Variants in DNM2 observed in about 807,000 individuals in gnomAD.
DNM2 encodes dynamin 2.
In DNM2, 15 loss-of-function variants were observed where a neutral mutation model predicts 99.0. The observed-to-expected ratio is 0.15, with a 90% confidence interval of 0.10 to 0.23. The LOEUF (loss-of-function observed/expected upper bound fraction) is 0.23, where lower values mean the gene tolerates loss of function less well. Ranked by LOEUF, DNM2 falls within the 10% of genes least tolerant of loss-of-function variation. The probability of loss-of-function intolerance (pLI) is 1.00; values close to 1 mark genes in which losing one functional copy is unlikely to be tolerated. For missense variants in DNM2, 742 were observed against 1,189.4 expected, an observed-to-expected ratio of 0.62 and a Z score of 5.53; for synonymous variants, 525 against 481.2, an observed-to-expected ratio of 1.09 and a Z score of -1.19.
chr19:10,729,070 C>A (rs978790239), intron 1 of DNM2, among the ~76,000 whole-genome samples: 8 of 113,242 alleles, frequency 7.1e-5, no homozygotes, highest in African/African-American at 2.1e-4. Flanking sequence ...AAAATATAGG[C>A]AGGAGAATGG....
At chr19:10,821,562 G>A (rs573633328) in intron 16 of DNM2, among the ~76,000 whole-genome samples, 6 of 151,932 alleles carry the variant, frequency 3.9e-5, no homozygotes, top group South Asian at 2.1e-4. Flanking sequence ...ACGGAGTTCC[G>A]CTGTTGTTGC....
chr19:10,819,078 TCTG>T (rs1276499061), intron 15 of DNM2, among the ~76,000 whole-genome samples: 3 of 152,030 alleles, frequency 2.0e-5, no homozygotes. Flanking sequence ...TCCCTAGCAG[TCTG>T]GACAGCCGTG....
At chr19:10,759,493 G>C (rs1429783382) in intron 1 of DNM2, 1 of 580,540 alleles carries the variant, frequency 1.7e-6, no homozygotes, top group African/African-American at 1.9e-5. Flanking sequence ...GAGTACGGGG[G>C]GTGGGGCACA....
rs1185925207 is a variant in DNM2 at position 10,764,262 on chromosome 19, C to T, written c.235+4451C>T. The stretch of plus-strand genomic sequence containing the variant: ...ATCTGTAAAATGGGGGTGATGGTGG[C>T]GCTGCCATCGTGGCCATGGCACCCC... On this transcript the variant is annotated intron_variant, in intron 2 of 20. Transcript: ENST00000389253. This position sits in a 1 kb window ranked among gnomAD's most constrained non-coding sequence, Gnocchi z 4.1. Among the ~76,000 whole-genome samples the T allele has an allele frequency of 2.0e-5, 3 of 152,142 alleles. No homozygotes were observed. The highest frequency in any genetic ancestry group is 7.2e-5 in the African/African-American group (3 of 41,434).
rs1013841748 is a variant in DNM2, at chr19:10,796,261, A to G, written c.1196+822A>G. On this transcript the variant is annotated intron_variant, in intron 9 of 20. Coordinates refer to ENST00000389253, the MANE Select transcript of DNM2 (RefSeq NM_001005361.3). The surrounding 1 kb of genome is among the most constrained non-coding windows in gnomAD (Gnocchi z 5.6). ...GGAAACGGGGGTACGGGGGTTTGGT[A>G]TCAGGCTCCCAGCGCCTCATTGGCC... The G allele has an allele frequency of 5.6e-6, 9 of 1,611,442 alleles. No individual in the cohort carries two copies. Among genetic ancestry groups the G allele is most frequent in the African/African-American group, 1.3e-5 (1 of 74,950 alleles).
At chr19:10,783,570 A>T (rs1369291640) in intron 6 of DNM2, among the ~76,000 whole-genome samples, 8 of 152,118 alleles carry the variant, frequency 5.3e-5, no homozygotes, top group African/African-American at 1.9e-4. Flanking sequence ...CATCACTGTT[A>T]TTATTACCAA....
intron 9 of DNM2, among the ~76,000 whole-genome samples, chr19:10,797,116 C>T (rs912002705): frequency 2.6e-5 from 4 of 152,030 alleles, no homozygotes; most frequent in South Asian, 2.1e-4. Flanking sequence ...TAGAGGACTC[C>T]GCACACCTTG....
intron 7 of DNM2, among the ~76,000 whole-genome samples, chr19:10,789,234 C>G (rs958979688): frequency 1.3e-4 from 20 of 152,076 alleles, no homozygotes; most frequent in African/African-American, 4.8e-4. Flanking sequence ...ACAAACAAAA[C>G]ACAAGATTCA....
rs868858325 is a variant in DNM2, at chr19:10,816,378, G to A, written c.1672-3602G>A. On this transcript the variant is annotated intron_variant, in intron 15 of 20. Transcript: ENST00000389253. This position sits in a 1 kb window ranked among gnomAD's most constrained non-coding sequence, Gnocchi z 4.6. The stretch of plus-strand genomic sequence containing the variant: ...CGCTGTTTCTAAACCCAGGGTGGTG[G>A]AGTCTGCTGAGCCACCATACAAGCA... Among the ~76,000 whole-genome samples, 5 of 152,252 alleles carry A rather than the reference G, an allele frequency of 3.3e-5. No individual in the cohort carries two copies. In the South Asian group the frequency reaches 1.0e-3, roughly 32 times the overall value.
intron 1 of DNM2, among the ~76,000 whole-genome samples, chr19:10,729,986 C>T (rs2145704180): frequency 6.6e-6 from 1 of 152,230 alleles, no homozygotes; most frequent in South Asian, 2.1e-4. Context: ...CCTCAGCCTC[C>T]TGAGTACCTG....
chr19:10,732,755 A>G (rs956466200), intron 1 of DNM2, among the ~76,000 whole-genome samples: 1 of 151,930 alleles, frequency 6.6e-6, no homozygotes, highest in African/African-American at 2.4e-5. Flanking sequence ...GACTCATCCA[A>G]CCAGTGAGCC....
chr19:10,733,770 G>A (rs1457452117), intron 1 of DNM2, among the ~76,000 whole-genome samples: 1 of 152,018 alleles, frequency 6.6e-6, no homozygotes, highest in Non-Finnish European at 1.5e-5. Flanking sequence ...ACTTTGGGAG[G>A]CAGAGGCAGG....
intron 14 of DNM2, chr19:10,810,059 G>A (rs2072487947): frequency 6.6e-6 from 1 of 152,318 alleles, no homozygotes; most frequent in African/African-American, 2.4e-5. Context: ...TCATGAGCGT[G>A]GCCGTGGCCT....
At chr19:10,790,248 C>T (rs890582225) in intron 7 of DNM2, among the ~76,000 whole-genome samples, 2 of 152,224 alleles carry the variant, frequency 1.3e-5, no homozygotes, top group Non-Finnish European at 2.9e-5. Flanking sequence ...GTGCAGCCCA[C>T]AGACTGTTCA....
intron 1 of DNM2, among the ~76,000 whole-genome samples, chr19:10,739,828 C>G (rs866084803): frequency 4.9e-5 from 7 of 144,230 alleles, no homozygotes; most frequent in Non-Finnish European, 8.9e-5. Flanking sequence ...TGCACTCTAG[C>G]CTGGGCAACA....
In DNM2 at chr19:10,816,939, G is replaced by C. The variant is rs1290906018; in HGVS notation, c.1672-3041G>C. 6.6e-6 allele frequency among the ~76,000 whole-genome samples: 1 copy of C among 152,194 alleles called. No individual in the cohort carries two copies. Among genetic ancestry groups the C allele is most frequent in the East Asian group, 1.9e-4 (1 of 5,178 alleles). ...ACACTGGAGTCTGGAGCAGCAGTGG[G>C]AGAAGGGCCGGGCGCCGGCCGTAAT... On this transcript the variant is annotated intron_variant, in intron 15 of 20. Transcript: ENST00000389253. The surrounding 1 kb of genome is among the most constrained non-coding windows in gnomAD (Gnocchi z 4.6).
At chr19:10,733,473 A>G (rs1219373543) in intron 1 of DNM2, among the ~76,000 whole-genome samples, 3 of 151,932 alleles carry the variant, frequency 2.0e-5, no homozygotes, top group African/African-American at 7.3e-5. Flanking sequence ...GATTGTAAGC[A>G]TGAGCCACAA....
chr19:10,776,516 A>G (rs1157724461), intron 4 of DNM2, among the ~76,000 whole-genome samples: 2 of 152,190 alleles, frequency 1.3e-5, no homozygotes, highest in Non-Finnish European at 2.9e-5. Context: ...ATCTGTCCCC[A>G]GTGTCTCATG....
At chr19:10,747,732 A>G (rs1383720276) in intron 1 of DNM2, among the ~76,000 whole-genome samples, 1 of 152,160 alleles carries the variant, frequency 6.6e-6, no homozygotes, top group Non-Finnish European at 1.5e-5. Context: ...TGCCACTCTA[A>G]TAGGATGTTG....
Sources: gnomAD v4.1 joint callset for allele counts (sites outside exome capture counted in the v4.1 genomes callset) on GRCh38, gnomAD v4.1.1 for gene constraint, Gnocchi (gnomAD v3.1) non-coding constraint, MANE v1.5 for transcripts, NCBI Gene and HGNC (gene_info 2026-07-23, HGNC 2026-07-21) for gene names.